TBCK: variants seen among roughly 807,000 people sequenced by gnomAD.
TBCK encodes the protein TBC1 domain containing kinase, also known as TBC domain-containing protein kinase-like protein.
In TBCK, 99 loss-of-function variants were observed where a neutral mutation model predicts 113.4. That is an observed-to-expected ratio of 0.87 (90% CI 0.74 to 1.03). The LOEUF is 1.03. TBCK is among the 50% of genes least tolerant of loss of function. The probability of loss-of-function intolerance (pLI) is 0.00; values close to 1 mark genes in which losing one functional copy is unlikely to be tolerated. For missense variants in TBCK, 1,045 were observed against 1,061.3 expected, an observed-to-expected ratio of 0.98 and a Z score of 0.21; for synonymous variants, 369 against 370.8, an observed-to-expected ratio of 1.00 and a Z score of 0.05.
At chr4:106,145,234 C>T (rs913336890) in intron 23 of TBCK, among the ~76,000 whole-genome samples, 1 of 151,660 alleles carries the variant, frequency 6.6e-6, no homozygotes, top group Non-Finnish European at 1.5e-5. Context: ...AGGAGAATTG[C>T]TTGAACCCAG....
At chr4:106,262,542 G>C (rs1265105784) in intron 3 of TBCK, among the ~76,000 whole-genome samples, 1 of 152,000 alleles carries the variant, frequency 6.6e-6, no homozygotes, top group Non-Finnish European at 1.5e-5. Flanking sequence ...AAATTATCAG[G>C]TTAAGTTTCA....
At chr4:106,278,469 G>C (rs989437077) in intron 3 of TBCK, among the ~76,000 whole-genome samples, 1 of 138,742 alleles carries the variant, frequency 7.2e-6, no homozygotes, top group African/African-American at 2.7e-5. Flanking sequence ...TGAGGCACAA[G>C]AATTGCTTGA....
Position 106,274,600 on chromosome 4 carries a change from T to C in TBCK, c.267-12388A>G, listed in dbSNP as rs115430749. 5.9e-3 allele frequency among the ~76,000 whole-genome samples: 892 copies of C among 152,286 alleles called. 9 individuals carry two copies. The highest frequency in any genetic ancestry group is 0.02 in the African/African-American group (834 of 41,558). On this transcript the variant is annotated intron_variant, in intron 3 of 25. Transcript: ENST00000394708. The stretch of plus-strand genomic sequence containing the variant: ...AAAAGTCATATACTGTATAATTCCA[T>C]TTATATGAAAAGGTCAGGGTAGGTA...
rs914841962 is a variant in TBCK at position 106,061,260 on chromosome 4, C to T, written c.2572-14580G>A. Among the ~76,000 whole-genome samples the T allele has an allele frequency of 5.3e-5, 8 of 151,652 alleles. No homozygotes were observed. In the East Asian group the frequency reaches 5.8e-4, roughly 11 times the overall value. On this transcript the variant is annotated intron_variant, in intron 25 of 25. Coordinates refer to ENST00000394708, the MANE Select transcript of TBCK (RefSeq NM_001163435.3). ...ATCTTTCATGAAGAGTCAATTGATA[C>T]GGCAAACGTCATTGTTGTCTTATGT...
chr4:106,153,946 T>G (rs1748828004), intron 23 of TBCK, among the ~76,000 whole-genome samples: 1 of 152,114 alleles, frequency 6.6e-6, no homozygotes, highest in Non-Finnish European at 1.5e-5. Context: ...TCAACATGTG[T>G]CTTTATAGGT....
At chr4:106,122,358 G>A (rs1578967825) in intron 23 of TBCK, among the ~76,000 whole-genome samples, 1 of 152,228 alleles carries the variant, frequency 6.6e-6, no homozygotes, top group Non-Finnish European at 1.5e-5. Flanking sequence ...ACCAATAACA[G>A]GAGCTGAAAT....
At chr4:106,187,807 T>C (rs1291544197) in intron 22 of TBCK, among the ~76,000 whole-genome samples, 1 of 152,190 alleles carries the variant, frequency 6.6e-6, no homozygotes, top group East Asian at 1.9e-4. Context: ...TGTATTTTTT[T>C]ATTGGCTATT....
At chr4:106,170,295 T>C (rs1750838664) in intron 23 of TBCK, among the ~76,000 whole-genome samples, 1 of 152,262 alleles carries the variant, frequency 6.6e-6, no homozygotes, top group East Asian at 1.9e-4. Flanking sequence ...CTTTTCTCTC[T>C]CAGGATATTT....
At chr4:106,059,092 T>G (rs1578772454) in intron 25 of TBCK, among the ~76,000 whole-genome samples, 1 of 151,774 alleles carries the variant, frequency 6.6e-6, no homozygotes, top group Admixed American at 6.6e-5. Context: ...GTAGGAACTT[T>G]GTAGACAGAT....
At chr4:106,244,837 G>T in intron 10 of TBCK, 73 bp from the exon 11 acceptor site, 2 of 867,608 alleles carry the variant, frequency 2.3e-6, no homozygotes, top group Non-Finnish European at 3.4e-6. Context: ...GGCAGTAATA[G>T]CTGCCATTCT....
chr4:106,236,924 T>C (rs1759539507), intron 12 of TBCK, 116 bp from the exon 13 acceptor site: 4 of 485,872 alleles, frequency 8.2e-6, no homozygotes, highest in Admixed American at 4.3e-5. Context: ...CCTAGAAAAG[T>C]ATAAAATAGA....
At chr4:106,091,663 G>A (rs1740259450) in intron 25 of TBCK, among the ~76,000 whole-genome samples, 2 of 152,164 alleles carry the variant, frequency 1.3e-5, no homozygotes, top group African/African-American at 4.8e-5. Flanking sequence ...ATGGGTTCAG[G>A]AGTGAAGCTG....
intron 3 of TBCK, among the ~76,000 whole-genome samples, chr4:106,271,948 T>C (rs1222130947): frequency 1.3e-5 from 2 of 152,140 alleles, no homozygotes; most frequent in East Asian, 3.9e-4. Context: ...TTCTACTCCC[T>C]GCAATTCTGA....
At chr4:106,105,191 C>T (rs996819130) in intron 24 of TBCK, among the ~76,000 whole-genome samples, 2 of 152,166 alleles carry the variant, frequency 1.3e-5, no homozygotes, top group Non-Finnish European at 2.9e-5. Flanking sequence ...GAGGCCAGTC[C>T]ATCTCCCACA....
At chr4:106,100,639 C>G (rs758874634) in intron 24 of TBCK, among the ~76,000 whole-genome samples, 3 of 152,166 alleles carry the variant, frequency 2.0e-5, no homozygotes, top group Non-Finnish European at 4.4e-5. Flanking sequence ...CTACCCTCAT[C>G]CATCCTCTAC....
chr4:106,207,533 T>A (rs549165254), intron 20 of TBCK, among the ~76,000 whole-genome samples: 3 of 152,210 alleles, frequency 2.0e-5, no homozygotes, highest in Non-Finnish European at 4.4e-5. Flanking sequence ...AAAAATGCTA[T>A]ATACACAAAC....
intron 23 of TBCK, among the ~76,000 whole-genome samples, chr4:106,151,962 C>T (rs180805064): frequency 5.9e-5 from 9 of 152,050 alleles, no homozygotes; most frequent in African/African-American, 1.9e-4. Context: ...CTGAATTTAT[C>T]ACTTCTAATA....
At position 106,122,253 on chromosome 4, in the gene TBCK, G is replaced by A. The variant is rs1481557312; in HGVS notation, c.2236-5875C>T. Among the ~76,000 whole-genome samples, 28 of 152,128 alleles carry A rather than the reference G, an allele frequency of 1.8e-4. No individual in the cohort carries two copies. The Middle Eastern group carries it at 0.02, about 111-fold the overall frequency. On this transcript the variant is annotated intron_variant, in intron 23 of 25. Coordinates refer to ENST00000394708, the MANE Select transcript of TBCK (RefSeq NM_001163435.3). Reference sequence around the variant, plus strand: ...CAGAGAATACTACAAACACCTCTACGCAAATAAACTAGAAAATCTAAAAGA... The same window carrying A: ...CAGAGAATACTACAAACACCTCTACACAAATAAACTAGAAAATCTAAAAGA...
In TBCK at chr4:106,161,872, T is replaced by C. The variant is rs563154400; in HGVS notation, c.2235+9223A>G. ...AACAACACAAATGCTATGATTCCAT[T>C]TATTTAAAAGTTAGATTACATGTTT... On this transcript the variant is annotated intron_variant, in intron 23 of 25. Transcript: ENST00000394708. Among the ~76,000 whole-genome samples, 3 of 152,152 alleles carry C rather than the reference T, an allele frequency of 2.0e-5. No individual in the cohort carries two copies. In the South Asian group the frequency reaches 6.2e-4, roughly 32 times the overall value.
Sources: allele counts gnomAD v4.1 joint callset (sites outside exome capture counted in the v4.1 genomes callset), GRCh38; gene constraint gnomAD v4.1.1; transcripts MANE v1.5; gene names NCBI Gene and HGNC (gene_info 2026-07-23, HGNC 2026-07-21).